The following TBC1D22A variants were observed in gnomAD, a reference collection of about 807,000 sequenced individuals.
TBC1D22A encodes the protein TBC1 domain family member 22A.
TBC1D22A carries 38 observed loss-of-function variants against 60.2 expected under a neutral mutation model. The observed-to-expected ratio is 0.63, with a 90% CI of 0.49 to 0.83. The LOEUF (loss-of-function observed/expected upper bound fraction) is 0.83. Among genes scored for constraint, TBC1D22A ranks in the 40% least tolerant of loss-of-function variants. The pLI is 0.00. For synonymous variants in TBC1D22A, 302 were observed against 281.7 expected, an observed-to-expected ratio of 1.07 and a Z score of -0.72; for missense variants, 628 against 701.0, an observed-to-expected ratio of 0.90 and a Z score of 1.18.
chr22:46,996,712 T>C (rs372859149), intron 9 of TBC1D22A, among the ~76,000 whole-genome samples: 17 of 152,212 alleles, frequency 1.1e-4, no homozygotes, highest in South Asian at 4.1e-4. Flanking sequence ...GCAGCCTCCA[T>C]AGGGAATGCC....
intron 12 of TBC1D22A, among the ~76,000 whole-genome samples, chr22:47,153,526 G>A (rs2067589496): frequency 6.6e-6 from 1 of 152,008 alleles, no homozygotes; most frequent in African/African-American, 2.4e-5. Flanking sequence ...CTGCCTGGGG[G>A]AGGTGGGTTC....
intron 1 of TBC1D22A, among the ~76,000 whole-genome samples, chr22:46,780,640 G>C (rs1436056392): frequency 6.6e-6 from 1 of 152,212 alleles, no homozygotes; most frequent in African/African-American, 2.4e-5. Context: ...TCCTGCTTCA[G>C]AGTCACTTGT....
At chr22:46,975,943 A>G (rs941328258) in intron 9 of TBC1D22A, among the ~76,000 whole-genome samples, 2 of 152,244 alleles carry the variant, frequency 1.3e-5, no homozygotes, top group African/African-American at 2.4e-5. Context: ...CTTGCAAAGA[A>G]AAATGTGCCC....
intron 4 of TBC1D22A, among the ~76,000 whole-genome samples, chr22:46,824,687 G>T (rs1391652432): frequency 6.6e-6 from 1 of 152,072 alleles, no homozygotes; most frequent in Non-Finnish European, 1.5e-5. Flanking sequence ...GGAGTCGGTG[G>T]AGGTGGAGGA....
intron 4 of TBC1D22A, among the ~76,000 whole-genome samples, chr22:46,840,709 GGT>G (rs2086718020): frequency 6.6e-6 from 1 of 151,866 alleles, no homozygotes; most frequent in African/African-American, 2.4e-5. Context: ...CTCCAGCCTG[GGT>G]GGCAGAGCGA....
intron 12 of TBC1D22A, among the ~76,000 whole-genome samples, chr22:47,131,397 C>G (rs73479318): frequency 6.6e-6 from 1 of 152,172 alleles, no homozygotes; most frequent in Non-Finnish European, 1.5e-5. Context: ...AAACCAAGCT[C>G]GTTAATCGGC....
Position 46,793,492 on chromosome 22 carries a change from G to A in TBC1D22A, c.120-9G>A. 1 of 1,613,596 alleles carries A rather than the reference G, an allele frequency of 6.2e-7. No homozygotes were observed. The highest frequency in any genetic ancestry group is 1.3e-5 in the African/African-American group (1 of 75,044). ...GCATGTACGAGTAAAGACTGCCTTTGCATTGCAGTTTGCTCAGGTCCACGG... is the reference window on the plus strand; with the variant it reads ...GCATGTACGAGTAAAGACTGCCTTTACATTGCAGTTTGCTCAGGTCCACGG... On this transcript the variant is annotated splice_polypyrimidine_tract_variant and intron_variant, in intron 2 of 12. Coordinates refer to ENST00000337137, the MANE Select transcript of TBC1D22A (RefSeq NM_014346.5).
intron 4 of TBC1D22A, among the ~76,000 whole-genome samples, chr22:46,860,005 G>A (rs2087777269): frequency 4.4e-5 from 1 of 22,988 alleles, no homozygotes; most frequent in Non-Finnish European, 6.9e-5. Flanking sequence ...ATAGAGGTCC[G>A]CGCAGTGCCG....
intron 4 of TBC1D22A, among the ~76,000 whole-genome samples, chr22:46,824,679 A>C (rs993034641): frequency 1.3e-5 from 2 of 151,760 alleles, no homozygotes; most frequent in East Asian, 3.9e-4. Context: ...TGGTGGCTGG[A>C]GTCGGTGGAG....
At chr22:47,091,393 C>CGA (rs540430092) in intron 11 of TBC1D22A, among the ~76,000 whole-genome samples, 145 of 122,916 alleles carry the variant, frequency 1.2e-3, no homozygotes, top group African/African-American at 4.3e-3. Context: ...GAGACAGGCA[C>CGA]GAGAAGTCGT....
At chr22:47,142,638 C>T (rs990688492) in intron 12 of TBC1D22A, among the ~76,000 whole-genome samples, 1 of 140,648 alleles carries the variant, frequency 7.1e-6, no homozygotes, top group Non-Finnish European at 1.5e-5. Flanking sequence ...TTCACCTGCC[C>T]ACCATCCATC....
intron 11 of TBC1D22A, among the ~76,000 whole-genome samples, chr22:47,102,849 C>G (rs1603270866): frequency 6.6e-6 from 1 of 152,150 alleles, no homozygotes; most frequent in East Asian, 1.9e-4. Flanking sequence ...AACAGGATTC[C>G]TTGGAGAACC....
At chr22:46,853,125 A>T (rs987774094) in intron 4 of TBC1D22A, among the ~76,000 whole-genome samples, 1 of 152,120 alleles carries the variant, frequency 6.6e-6, no homozygotes, top group African/African-American at 2.4e-5. Flanking sequence ...GCCTGAGAGG[A>T]TGACGGGGCC....
chr22:46,803,509 G>A (rs572116876), intron 4 of TBC1D22A, among the ~76,000 whole-genome samples: 2 of 152,314 alleles, frequency 1.3e-5, no homozygotes, highest in Non-Finnish European at 2.9e-5. Flanking sequence ...CTTGCGACCC[G>A]GCCGTCAGCG....
rs929510850 is a variant in TBC1D22A, at chr22:46,840,844, G to A, written c.638-37809G>A. ...AATTGATATAGCCTTTATGGAAAAC[G>A]GTATGGAGGGTCCTCAAAAAATTTA... On this transcript the variant is annotated intron_variant, in intron 4 of 12. Coordinates refer to ENST00000337137, the MANE Select transcript of TBC1D22A (RefSeq NM_014346.5). 3.9e-5 allele frequency among the ~76,000 whole-genome samples: 6 copies of A among 152,166 alleles called. No individual in the cohort carries two copies. In the South Asian group the frequency reaches 8.3e-4, roughly 21 times the overall value.
intron 11 of TBC1D22A, among the ~76,000 whole-genome samples, chr22:47,111,240 G>T (rs2065835352): frequency 6.6e-6 from 1 of 152,222 alleles, no homozygotes; most frequent in Non-Finnish European, 1.5e-5. Flanking sequence ...CAAGAGAGAA[G>T]AATGAACAAC....
At chr22:46,969,018 C>A (rs545083136) in intron 8 of TBC1D22A, among the ~76,000 whole-genome samples, 1 of 152,124 alleles carries the variant, frequency 6.6e-6, no homozygotes, top group East Asian at 1.9e-4. Context: ...GCTATCCCCA[C>A]CTTGTAGCAC....
intron 12 of TBC1D22A, among the ~76,000 whole-genome samples, chr22:47,112,031 T>A (rs1325035954): frequency 6.6e-6 from 1 of 152,240 alleles, no homozygotes; most frequent in Non-Finnish European, 1.5e-5. Flanking sequence ...CTGGAAGCTC[T>A]GTGACTGGGG....
intron 11 of TBC1D22A, among the ~76,000 whole-genome samples, chr22:47,081,120 C>CAA (rs34794967): frequency 0.02 from 1,627 of 83,306 alleles, 24 homozygotes; most frequent in Admixed American, 0.024. Context: ...AACTCCGTCT[C>CAA]AAAAAAAAAA....
Sources: allele counts gnomAD v4.1 joint callset (sites outside exome capture counted in the v4.1 genomes callset), GRCh38; gene constraint gnomAD v4.1.1; transcripts MANE v1.5; gene names NCBI Gene and HGNC (gene_info 2026-07-23, HGNC 2026-07-21).